The following ASIC2 variants were observed in gnomAD, a reference collection of about 807,000 sequenced individuals.
ASIC2 encodes acid-sensing ion channel 2.
ASIC2 carries 25 observed loss-of-function variants against 57.3 expected under a neutral mutation model. The observed-to-expected ratio is 0.44, with a 90% CI of 0.32 to 0.61. ASIC2 has a LOEUF of 0.61. Among genes scored for constraint, ASIC2 ranks in the 20% least tolerant of loss-of-function variants. The pLI, the probability that ASIC2 is intolerant of heterozygous loss-of-function variation, is 0.06. For missense variants in ASIC2, 641 were observed against 738.1 expected (o/e 0.87, Z 1.52); for synonymous variants, 319 against 307.5 (o/e 1.04, Z -0.39).
At chr17:33,805,137 G>A (rs1230167360) in intron 1 of ASIC2, among the ~76,000 whole-genome samples, 1 of 152,122 alleles carries the variant, frequency 6.6e-6, no homozygotes, top group Non-Finnish European at 1.5e-5. Context: ...GTGGTCTGAT[G>A]CTTCTGAATT....
At chr17:33,482,817 T>A (rs906004311) in intron 1 of ASIC2, among the ~76,000 whole-genome samples, 1 of 152,216 alleles carries the variant, frequency 6.6e-6, no homozygotes, top group Non-Finnish European at 1.5e-5. Flanking sequence ...CAGCCTTCTC[T>A]CGGACACACC....
intron 1 of ASIC2, among the ~76,000 whole-genome samples, chr17:33,343,532 C>T (rs1907816862): frequency 6.6e-6 from 1 of 152,208 alleles, no homozygotes; most frequent in Non-Finnish European, 1.5e-5. Flanking sequence ...ACTAAAAGCT[C>T]CCCTGACATG....
At chr17:33,161,451 G>A (rs1026227598) in intron 1 of ASIC2, among the ~76,000 whole-genome samples, 5 of 152,092 alleles carry the variant, frequency 3.3e-5, no homozygotes, top group African/African-American at 7.2e-5. Flanking sequence ...TCTCTGAAAG[G>A]CCTTCTCCAA....
intron 1 of ASIC2, among the ~76,000 whole-genome samples, chr17:34,029,545 C>A (rs1010266442): frequency 1.3e-5 from 2 of 152,156 alleles, no homozygotes; most frequent in African/African-American, 4.8e-5. Flanking sequence ...AAGCCCTAAC[C>A]CCCAATATGA....
chr17:33,081,905 G>A (rs1415170066), intron 3 of ASIC2, among the ~76,000 whole-genome samples: 1 of 152,212 alleles, frequency 6.6e-6, no homozygotes. Context: ...CCTAACTAGA[G>A]CTGGCAAGAC....
At chr17:34,055,105 A>G (rs1293752070) in intron 1 of ASIC2, among the ~76,000 whole-genome samples, 2 of 152,252 alleles carry the variant, frequency 1.3e-5, no homozygotes, top group Admixed American at 6.5e-5. Flanking sequence ...GGAAGAGGAT[A>G]TAAAGTGGCC....
intron 1 of ASIC2, among the ~76,000 whole-genome samples, chr17:34,104,604 C>G (rs1910979443): frequency 6.6e-6 from 1 of 152,040 alleles, no homozygotes; most frequent in Admixed American, 6.6e-5. Context: ...CACATGCTCT[C>G]TATCAGAATT....
intron 1 of ASIC2, among the ~76,000 whole-genome samples, chr17:33,531,622 T>C (rs1477125919): frequency 1.3e-5 from 2 of 152,112 alleles, no homozygotes; most frequent in African/African-American, 4.8e-5. Flanking sequence ...TTTAAAGACT[T>C]CTCCATCGCA....
At chr17:33,159,356 T>C (rs1905099740) in intron 1 of ASIC2, among the ~76,000 whole-genome samples, 1 of 151,738 alleles carries the variant, frequency 6.6e-6, no homozygotes, top group African/African-American at 2.4e-5. Flanking sequence ...GAGTTCTTTT[T>C]TTTGCTAAAA....
chr17:34,105,192 A>T (rs1388308073), intron 1 of ASIC2, among the ~76,000 whole-genome samples: 3 of 152,148 alleles, frequency 2.0e-5, no homozygotes, highest in East Asian at 3.9e-4. Flanking sequence ...CAGTTGACTC[A>T]AGGCGTTTGC....
chr17:33,518,890 G>A (rs1444104324), intron 1 of ASIC2, among the ~76,000 whole-genome samples: 8 of 151,624 alleles, frequency 5.3e-5, no homozygotes, highest in Admixed American at 4.6e-4. Context: ...GCGTGATCTC[G>A]GCTCACTGCA....
At chr17:33,061,696 T>A (rs868795890) in intron 3 of ASIC2, among the ~76,000 whole-genome samples, 2 of 152,328 alleles carry the variant, frequency 1.3e-5, no homozygotes, top group Middle Eastern at 6.8e-3. Flanking sequence ...TAGGGAGGAT[T>A]CCCTCTTTTT....
chr17:33,565,700 T>C (rs1307922426), intron 1 of ASIC2: 1 of 152,208 alleles, frequency 6.6e-6, no homozygotes, highest in Non-Finnish European at 1.5e-5. Context: ...TTCTGGCCAA[T>C]GAGAGAGGGA....
upstream of ASIC2, among the ~76,000 whole-genome samples, chr17:33,293,317 C>A (rs919675485): frequency 6.6e-6 from 1 of 152,084 alleles, no homozygotes; most frequent in Non-Finnish European, 1.5e-5. Flanking sequence ...GCGGCGGCGG[C>A]CGTGAGCGCC....
chr17:33,870,241 T>G (rs1019595063), intron 1 of ASIC2, among the ~76,000 whole-genome samples: 4 of 139,386 alleles, frequency 2.9e-5, no homozygotes, highest in African/African-American at 8.1e-5. Context: ...TTTTTTTTTT[T>G]TTTTTTTTTT....
intron 1 of ASIC2, among the ~76,000 whole-genome samples, chr17:33,950,502 G>A (rs889829138): frequency 6.6e-6 from 1 of 152,214 alleles, no homozygotes; most frequent in African/African-American, 2.4e-5. Flanking sequence ...CCAAACGACG[G>A]ATCCCCCTTC....
At chr17:33,958,281 T>A (rs536663850) in intron 1 of ASIC2, among the ~76,000 whole-genome samples, 2 of 152,138 alleles carry the variant, frequency 1.3e-5, no homozygotes, top group Non-Finnish European at 2.9e-5. Context: ...AGGATCGTGG[T>A]CCTCTTCTCA....
At chr17:33,021,933 C>G (rs1051918828) in intron 6 of ASIC2, among the ~76,000 whole-genome samples, 1 of 152,162 alleles carries the variant, frequency 6.6e-6, no homozygotes, top group African/African-American at 2.4e-5. Context: ...CAGTAAAAGT[C>G]GTTACTGCCT....
chr17:33,098,997 A>AAT (rs752446421), intron 2 of ASIC2, among the ~76,000 whole-genome samples: 5 of 150,222 alleles, frequency 3.3e-5, no homozygotes, highest in South Asian at 2.1e-4. Context: ...ATAAAAACAA[A>AAT]ATATATATAT....
Sources: allele counts gnomAD v4.1 joint callset (sites outside exome capture counted in the v4.1 genomes callset), GRCh38; gene constraint gnomAD v4.1.1; transcripts MANE v1.5; gene names NCBI Gene and HGNC (gene_info 2026-07-23, HGNC 2026-07-21).